Variants in CALN1 observed in about 807,000 individuals in gnomAD.
CALN1 encodes the protein calneuron 1.
In CALN1, 17 loss-of-function variants were observed where a neutral mutation model predicts 30.6. The observed-to-expected ratio is 0.56, with a 90% CI of 0.38 to 0.83. The LOEUF is 0.83. CALN1 is among the 40% of genes least tolerant of loss of function. CALN1 has a pLI of 0.00. For missense variants in CALN1, 291 were observed against 354.9 expected (o/e 0.82, Z 1.45); for synonymous variants, 156 against 131.4 (o/e 1.19, Z -1.28).
At chr7:72,020,371 T>A (rs1480272536) in intron 5 of CALN1, among the ~76,000 whole-genome samples, 1 of 152,170 alleles carries the variant, frequency 6.6e-6, no homozygotes, top group African/African-American at 2.4e-5. Flanking sequence ...CACACTCAGC[T>A]TTCTTCTAAA....
chr7:72,181,096 A>AACCCCC (rs1789755682), intron 3 of CALN1, among the ~76,000 whole-genome samples: 1 of 74,616 alleles, frequency 1.3e-5, no homozygotes, highest in Non-Finnish European at 2.6e-5. Flanking sequence ...AAACTGCATA[A>AACCCCC]CCCCCCCCCC....
intron 1 of CALN1, among the ~76,000 whole-genome samples, chr7:72,423,644 A>G (rs1299148253): frequency 6.6e-6 from 1 of 152,120 alleles, no homozygotes; most frequent in African/African-American, 2.4e-5. Flanking sequence ...AAGATAATCC[A>G]GCCTCTCTGG....
chr7:72,173,583 C>T (rs927485280), intron 3 of CALN1, among the ~76,000 whole-genome samples: 8 of 152,108 alleles, frequency 5.3e-5, no homozygotes, highest in Non-Finnish European at 1.2e-4. Flanking sequence ...GTCAAAAGGA[C>T]AGACTTCTAG....
At chr7:72,372,140 A>T (rs547288154) in intron 2 of CALN1, among the ~76,000 whole-genome samples, 1 of 152,306 alleles carries the variant, frequency 6.6e-6, no homozygotes, top group South Asian at 2.1e-4. Flanking sequence ...TCAGAATGTG[A>T]AAATCCCCTA....
intron 2 of CALN1, chr7:72,337,091 T>TGC (rs1802114581): frequency 1.0e-6 from 1 of 985,648 alleles, no homozygotes; most frequent in African/African-American, 1.7e-5. Context: ...TCAGCCCATG[T>TGC]GCGCGGCTGC....
chr7:72,384,760 A>G (rs2968524), intron 2 of CALN1, among the ~76,000 whole-genome samples: 149,500 of 152,182 alleles, frequency 0.98, 73,485 homozygotes, highest in Middle Eastern at 1. Flanking sequence ...TTTGGTGGTG[A>G]GCTTTCAGAT....
At chr7:71,929,304 C>A (rs765726284) in intron 5 of CALN1, among the ~76,000 whole-genome samples, 6 of 152,144 alleles carry the variant, frequency 3.9e-5, no homozygotes, top group Non-Finnish European at 5.9e-5. Context: ...CTGACAGGCC[C>A]CAGTGTGTGT....
chr7:72,327,307 A>G (rs980985309), intron 2 of CALN1, among the ~76,000 whole-genome samples: 3 of 152,196 alleles, frequency 2.0e-5, no homozygotes, highest in African/African-American at 7.2e-5. Context: ...CAGCCTGGCC[A>G]GTATGGTGAA....
At chr7:72,394,266 T>C (rs1805772743) in intron 2 of CALN1, among the ~76,000 whole-genome samples, 1 of 152,204 alleles carries the variant, frequency 6.6e-6, no homozygotes, top group Admixed American at 6.5e-5. Flanking sequence ...TCAAAAGCCC[T>C]TCCCTTAGGT....
chr7:72,198,529 T>C (rs888569206), intron 3 of CALN1, among the ~76,000 whole-genome samples: 4 of 152,174 alleles, frequency 2.6e-5, no homozygotes, highest in Admixed American at 6.6e-5. Flanking sequence ...AAGTATATTA[T>C]ACATAGAAGC....
the CALN1 span, among the ~76,000 whole-genome samples, chr7:72,487,913 A>AAGGAAGG: frequency 2.6e-5 from 2 of 76,182 alleles, no homozygotes. Context: ...AAAGAAAGAA[A>AAGGAAGG]GAAAGAAGGA....
chr7:71,839,246 T>C (rs1789794483), intron 5 of CALN1, among the ~76,000 whole-genome samples: 1 of 152,152 alleles, frequency 6.6e-6, no homozygotes, highest in Non-Finnish European at 1.5e-5. Context: ...GTCATGAAAA[T>C]GACACTTTTG....
intron 5 of CALN1, among the ~76,000 whole-genome samples, chr7:71,847,704 A>G (rs1790353958): frequency 8.5e-6 from 1 of 117,520 alleles, no homozygotes; most frequent in Non-Finnish European, 1.6e-5. Context: ...GGAAGAAGAA[A>G]GAAGAAAGAA....
Position 71,922,557 on chromosome 7 carries a change from G to GAATGT in CALN1, c.501+101099_501+101100insACATT, listed in dbSNP as rs374378365. On this transcript the variant is annotated intron_variant, in intron 5 of 6. Coordinates refer to ENST00000395275, the MANE Select transcript of CALN1 (RefSeq NM_031468.4). ...ATTATATATAAATATATAACACACA[G>GAATGT]ATTATATATAAATATATAACACACA... Among the ~76,000 whole-genome samples the GAATGT allele has an allele frequency of 6.5e-3, 859 of 132,454 alleles. 18 individuals are homozygous for GAATGT. Among genetic ancestry groups the GAATGT allele is most frequent in the African/African-American group, 0.025 (809 of 32,838 alleles). The allele number at this position is 132,454 out of a possible 152,430, so 86.9% of individuals were successfully genotyped here. A position where few individuals can be genotyped will look rare whatever the true frequency, so the allele number is the denominator to read the frequency against.
Position 72,052,910 on chromosome 7 carries a change from T to C in CALN1, c.389-29141A>G, listed in dbSNP as rs1051113202. ...TTTGGGAGGCCAAGGCCAGGTGTGG[T>C]GGCTCACGCCTGTAATCCCAGCACT... is the stretch of plus-strand genomic sequence containing the variant. On this transcript the variant is annotated intron_variant, in intron 4 of 6. Transcript: ENST00000395275. Among the ~76,000 whole-genome samples the C allele has an allele frequency of 3.8e-4, 54 of 141,100 alleles. 1 individual carries two copies. 92.6% of individuals were successfully genotyped at this position (141,100 alleles called of 152,430 possible). A position where few individuals can be genotyped will look rare whatever the true frequency, so the allele number is the denominator to read the frequency against.
chr7:71,801,905 G>A (rs1787335390), intron 6 of CALN1, among the ~76,000 whole-genome samples: 1 of 151,964 alleles, frequency 6.6e-6, no homozygotes, highest in Non-Finnish European at 1.5e-5. Flanking sequence ...TTGAACCCAG[G>A]AGGTGGAGGT....
the CALN1 span, among the ~76,000 whole-genome samples, chr7:72,459,910 A>G: frequency 1.3e-5 from 2 of 152,168 alleles, no homozygotes; most frequent in African/African-American, 4.8e-5. Flanking sequence ...ATATAAAGGC[A>G]TACTTGGGGC....
At chr7:71,857,699 T>C (rs1199615208) in intron 5 of CALN1, among the ~76,000 whole-genome samples, 1 of 152,236 alleles carries the variant, frequency 6.6e-6, no homozygotes, top group South Asian at 2.1e-4. Flanking sequence ...GGCTCTGCGA[T>C]CCTTCATTAA....
Position 72,175,454 on chromosome 7 carries a change from T to C in CALN1, c.245-69160A>G, listed in dbSNP as rs532414526. Among the ~76,000 whole-genome samples, 18 of 152,302 alleles carry C rather than the reference T, an allele frequency of 1.2e-4. No homozygotes were observed. In the South Asian group the frequency reaches 3.1e-3, roughly 26 times the overall value. On this transcript the variant is annotated intron_variant, in intron 3 of 6. Transcript: ENST00000395275. The stretch of plus-strand genomic sequence containing the variant: ...AATCTGAGACACGAGTGAAGATTCT[T>C]GAGGAGCATCATGACTGTCCTCAGA...
Sources: gnomAD v4.1 joint callset for allele counts (sites outside exome capture counted in the v4.1 genomes callset) on GRCh38, gnomAD v4.1.1 for gene constraint, MANE v1.5 for transcripts, NCBI Gene and HGNC (gene_info 2026-07-23, HGNC 2026-07-21) for gene names.